BAZ2A: variants seen among roughly 807,000 people sequenced by gnomAD.
BAZ2A encodes the protein bromodomain adjacent to zinc finger domain 2A.
In BAZ2A, 34 loss-of-function variants were observed where a neutral mutation model predicts 199.9. The ratio of observed to expected loss-of-function variants is 0.17; its 90% CI spans 0.13 to 0.23. BAZ2A has a LOEUF of 0.23. BAZ2A is among the 10% of genes least tolerant of loss of function. The pLI, the probability that BAZ2A is intolerant of heterozygous loss-of-function variation, is 1.00. For missense variants in BAZ2A, 2,002 were observed against 2,391.1 expected (o/e 0.84, Z 3.39); for synonymous variants, 857 against 883.9 (o/e 0.97, Z 0.54).
chr12:56,622,340 C>CA lies in BAZ2A; in HGVS notation c.-2-4809dup, dbSNP rs566825485. ...GGGTGACAGAGCAACACTCTATCTC[C>CA]AAAAAAAAAAGATAATCAGGTCTAA... On this transcript the variant is annotated intron_variant, in intron 1 of 28. Transcript: ENST00000549884. Among the ~76,000 whole-genome samples, 582 of 142,774 alleles carry CA rather than the reference C, an allele frequency of 4.1e-3. 3 individuals are homozygous for CA. The highest frequency in any genetic ancestry group is 0.013 in the African/African-American group (514 of 38,878). 93.7% of individuals were successfully genotyped at this position (142,774 alleles called of 152,430 possible).
rs1034707240 is a variant in BAZ2A at position 56,598,407 on chromosome 12, T to C, written c.*211A>G. 17 of 597,080 alleles carry C rather than the reference T, an allele frequency of 2.8e-5. No individual in the cohort carries two copies. Among genetic ancestry groups the C allele is most frequent in the Admixed American group, 1.6e-4 (5 of 31,398 alleles). 37.0% of individuals were successfully genotyped at this position (597,080 alleles called of 1,614,324 possible). ...GCTTTTAGTCCAGAAGGACCTCATCTCTGCACCTCTTACTTGAGGAGCAAG... is the reference window on the plus strand; with the variant it reads ...GCTTTTAGTCCAGAAGGACCTCATCCCTGCACCTCTTACTTGAGGAGCAAG... On this transcript the variant is annotated 3_prime_UTR_variant, in exon 29 of 29. Transcript: ENST00000549884.
rs1458792252 is a variant in BAZ2A, at chr12:56,598,637, C to G, written c.5693G>C (p.Gly1898Ala). The change falls in exon 29 of 29, where the codon GGA (glycine) becomes GCA (alanine). Residue 1898 changes from glycine to alanine, a missense_variant. Around this residue, in one of 6 missense-constraint regions of BAZ2A, gnomAD observed 76 missense variants for 139.3 expected, o/e 0.55. Transcript: ENST00000549884. ...CTTGCCTCACAGATTGGCCTGTTTTCCCTGATAAAACTCCTCCCAGCGGCT... is the reference window on the plus strand; with the variant it reads ...CTTGCCTCACAGATTGGCCTGTTTTGCCTGATAAAACTCCTCCCAGCGGCT... ...FESRWEEFYQGKQANL is the reference protein window; with the variant it reads ...FESRWEEFYQAKQANL 6.2e-7 allele frequency: 1 copy of G among 1,613,748 alleles called. No homozygotes were observed. The highest frequency in any genetic ancestry group is 8.5e-7 in the Non-Finnish European group (1 of 1,179,828).
chr12:56,598,578 G>T lies in BAZ2A; in HGVS notation c.*40C>A, dbSNP rs773938024. On this transcript the variant is annotated 3_prime_UTR_variant, in exon 29 of 29. Coordinates refer to ENST00000549884, the MANE Select transcript of BAZ2A (RefSeq NM_001300905.2). ...AATGGCAGGTTTTTGTTTGGAAGGTGGGGGGAGATGCCACAAGGTGACTCC... is the reference window on the plus strand; with the variant it reads ...AATGGCAGGTTTTTGTTTGGAAGGTTGGGGGAGATGCCACAAGGTGACTCC... The T allele has an allele frequency of 6.3e-6, 10 of 1,595,322 alleles. No homozygotes were observed. Among genetic ancestry groups the T allele is most frequent in the Admixed American group, 1.7e-5 (1 of 58,530 alleles).
chr12:56,598,184 C>T lies in BAZ2A; in HGVS notation c.*434G>A, dbSNP rs930600945. The T allele has an allele frequency of 2.4e-5, 4 of 168,550 alleles. No individual in the cohort carries two copies. Among genetic ancestry groups the T allele is most frequent in the East Asian group, 1.7e-4 (1 of 5,730 alleles). 10.4% of individuals were successfully genotyped at this position (168,550 alleles called of 1,614,324 possible). On this transcript the variant is annotated 3_prime_UTR_variant, in exon 29 of 29. Transcript: ENST00000549884. ...ACTTTACTGGCCGTCACTGCGGGTCCGCACACAGTACAGAGTGTTTCTTGG... is the reference window on the plus strand; with the variant it reads ...ACTTTACTGGCCGTCACTGCGGGTCTGCACACAGTACAGAGTGTTTCTTGG...
chr12:56,613,413 G>C (rs1950621424), intron 4 of BAZ2A, among the ~76,000 whole-genome samples, 180 bp from the exon 5 acceptor site: 1 of 152,130 alleles, frequency 6.6e-6, no homozygotes, highest in African/African-American at 2.4e-5. Flanking sequence ...TGAGATTATA[G>C]GGATCATAAA....
chr12:56,600,142 A>C (rs762247582), intron 24 of BAZ2A, 46 bp from the exon 25 acceptor site: 1 of 1,612,496 alleles, frequency 6.2e-7, no homozygotes, highest in East Asian at 2.2e-5. Context: ...CGGATCCACT[A>C]AAGAGGGAAC....
At position 56,613,012 on chromosome 12, in the gene BAZ2A, T is replaced by C. The variant is rs1950611712; in HGVS notation, c.1135+3A>G. The stretch of plus-strand genomic sequence containing the variant: ...TTTCTTTGTCCTACCTACCGTCACT[T>C]ACCTTGCAGGACAGACTCCCCTAGG... On this transcript the variant is annotated splice_donor_region_variant and intron_variant, in intron 5 of 28. Coordinates refer to ENST00000549884, the MANE Select transcript of BAZ2A (RefSeq NM_001300905.2). 1 of 1,609,674 alleles carries C rather than the reference T, an allele frequency of 6.2e-7. No individual in the cohort carries two copies. Among genetic ancestry groups the C allele is most frequent in the Non-Finnish European group, 8.5e-7 (1 of 1,176,642 alleles).
intron 16 of BAZ2A, 95 bp downstream of exon 16, chr12:56,604,122 G>A: frequency 4.1e-6 from 5 of 1,229,044 alleles, no homozygotes; most frequent in Non-Finnish European, 5.8e-6. Flanking sequence ...CCAGGGAAGG[G>A]GCTAAAGCAT....
chr12:56,637,372 G>C (rs546748368), upstream of BAZ2A, among the ~76,000 whole-genome samples: 10 of 152,358 alleles, frequency 6.6e-5, no homozygotes, highest in South Asian at 8.3e-4. Context: ...GCCCAAGCCA[G>C]CAACTCTGAA....
intron 11 of BAZ2A, 131 bp downstream of exon 11, chr12:56,606,502 G>A: frequency 8.3e-7 from 1 of 1,209,044 alleles, no homozygotes; most frequent in Non-Finnish European, 1.2e-6. Context: ...TCTAAATCAA[G>A]TGCAAGAAAT....
exon 1 of BAZ2A, chr12:56,636,354 A>T: frequency 3.8e-4 from 455 of 1,190,972 alleles, no homozygotes; most frequent in East Asian, 1.5e-3. Context: ...GAACTGCTGT[A>T]GGGTGATGTC....
At chr12:56,621,090 C>T (rs1250202382) in intron 1 of BAZ2A, 9 of 985,222 alleles carry the variant, frequency 9.1e-6, no homozygotes, top group Non-Finnish European at 9.6e-6. Flanking sequence ...TGATCCTCAC[C>T]TCTCCTCTCC....
chr12:56,612,516 A>G (rs534704794), intron 5 of BAZ2A, among the ~76,000 whole-genome samples: 9 of 152,320 alleles, frequency 5.9e-5, no homozygotes, highest in African/African-American at 1.9e-4. Context: ...CAAGTCTCAC[A>G]AGTTCTTCAA....
intron 13 of BAZ2A, 195 bp from the exon 14 acceptor site, chr12:56,605,522 A>G: frequency 1.5e-6 from 1 of 652,508 alleles, no homozygotes; most frequent in Non-Finnish European, 2.5e-6. Flanking sequence ...CCTAAGCCCA[A>G]GCAATTCTCC....
In BAZ2A at chr12:56,606,013, G is replaced by A; in HGVS notation, c.2310C>T (p.Val770=). The change falls in exon 13 of 29, where the codon GTC becomes GTT. Residue 770 remains valine (V), a synonymous_variant. Transcript: ENST00000549884. ...TTACCTTCTCCTTCTTTTCCCTCTT[G>A]ACTTTTTCCTTCAGTTTTTCCTGCT... ...KTKQEKLKEK[V]KREKKEKVKM... is the part of the protein sequence containing the mutation. 6.4e-7 allele frequency: 1 copy of A among 1,551,578 alleles called. No individual in the cohort carries two copies. Among genetic ancestry groups the A allele is most frequent in the Non-Finnish European group, 8.7e-7 (1 of 1,147,032 alleles).
intron 1 of BAZ2A, among the ~76,000 whole-genome samples, chr12:56,628,284 T>C (rs1951178786): frequency 6.6e-6 from 1 of 150,668 alleles, no homozygotes; most frequent in Admixed American, 6.6e-5. Flanking sequence ...CCAAATCCAG[T>C]GTGCCACAAA....
rs1183845536 is a variant in BAZ2A, at chr12:56,598,791, G to A, written c.5547-8C>T. Reference sequence around the variant, plus strand: ...TCCTCTGAGCTGGTGTACCTGGACAGGGCAGGGGCAAAACTGTGAGCTGGG... The same window carrying A: ...TCCTCTGAGCTGGTGTACCTGGACAAGGCAGGGGCAAAACTGTGAGCTGGG... On this transcript the variant is annotated splice_polypyrimidine_tract_variant and splice_region_variant and intron_variant, in intron 28 of 28. Coordinates refer to ENST00000549884, the MANE Select transcript of BAZ2A (RefSeq NM_001300905.2). 6.2e-7 allele frequency: 1 copy of A among 1,611,126 alleles called. No individual in the cohort carries two copies. The highest frequency in any genetic ancestry group is 8.5e-7 in the Non-Finnish European group (1 of 1,178,528).
chr12:56,601,622 G>C lies in BAZ2A; in HGVS notation c.3995C>G (p.Ala1332Gly). The C allele has an allele frequency of 5.6e-6, 9 of 1,613,970 alleles. No homozygotes were observed. The highest frequency in any genetic ancestry group is 7.6e-6 in the Non-Finnish European group (9 of 1,179,866). ...FNISAQMPCN[A>G]APTPPPAVSE... ...AACTGCAGGGGGCGGTGTGGGGGCA[G>C]CATTGCAGGGCATCTGGGCTGAGAT... The change falls in exon 20 of 29, where the codon GCT (alanine) becomes GGT (glycine). Residue 1332 changes from alanine (A) to glycine (G), a missense_variant. Coordinates refer to ENST00000549884, the MANE Select transcript of BAZ2A (RefSeq NM_001300905.2).
Position 56,609,796 on chromosome 12 carries a change from T to C in BAZ2A, c.2032A>G (p.Lys678Glu), listed in dbSNP as rs1348255382. ...KRGRGRPPKV[K>E]ITELLNKTDN... ...GTCTTGTTCAATAGCTCAGTGATTTTGACCTTAGGTGGCCGACCTCGACCC... is the reference window on the plus strand; with the variant it reads ...GTCTTGTTCAATAGCTCAGTGATTTCGACCTTAGGTGGCCGACCTCGACCC... Residue 678 changes from lysine to glutamate, a missense_variant, in exon 10 of 29, where the codon AAA (lysine) becomes GAA (glutamate). By Grantham distance (56) the Lys-to-Glu change is moderately conservative (BLOSUM62 1). This residue lies in a region of BAZ2A where 1,081 missense variants were observed against 1,274.7 expected (regional missense o/e 0.85). Transcript: ENST00000549884. 2 of 1,613,988 alleles carry C rather than the reference T, an allele frequency of 1.2e-6. No individual in the cohort carries two copies. The highest frequency in any genetic ancestry group is 1.7e-6 in the Non-Finnish European group (2 of 1,179,876).
Sources: allele counts gnomAD v4.1 joint callset (sites outside exome capture counted in the v4.1 genomes callset), GRCh38; gene constraint gnomAD v4.1.1; regional missense constraint gnomAD v4.1.1; transcripts MANE v1.5; gene names NCBI Gene and HGNC (gene_info 2026-07-23, HGNC 2026-07-21).